Variants in GALNTL6 observed in about 807,000 individuals in gnomAD.
GALNTL6 encodes the protein polypeptide N-acetylgalactosaminyltransferase-like 6.
Under a neutral mutation model 73.7 loss-of-function variants are expected in GALNTL6, and 46 were observed. That is an observed-to-expected ratio of 0.62 (90% CI 0.49 to 0.80). GALNTL6 has a LOEUF of 0.80. Ranked by LOEUF, GALNTL6 falls within the 30% of genes least tolerant of loss-of-function variation. The pLI, the probability that GALNTL6 is intolerant of heterozygous loss-of-function variation, is 0.00. For synonymous variants in GALNTL6, 259 were observed against 263.7 expected, an observed-to-expected ratio of 0.98 and a Z score of 0.17; for missense variants, 604 against 755.0, an observed-to-expected ratio of 0.80 and a Z score of 2.34.
intron 8 of GALNTL6, among the ~76,000 whole-genome samples, chr4:172,911,775 T>A (rs1323464795): frequency 1.3e-5 from 2 of 152,262 alleles, no homozygotes; most frequent in Admixed American, 1.3e-4. Context: ...GTCTATTAGA[T>A]ATAAGCCTAG....
chr4:172,416,090 G>A (rs924365609), intron 5 of GALNTL6, among the ~76,000 whole-genome samples: 5 of 152,114 alleles, frequency 3.3e-5, no homozygotes, highest in African/African-American at 1.2e-4. Context: ...TGAAGGTCTC[G>A]AAATGTATGG....
intron 2 of GALNTL6, among the ~76,000 whole-genome samples, chr4:172,008,000 T>C (rs1260959086): frequency 6.6e-6 from 1 of 152,164 alleles, no homozygotes; most frequent in Non-Finnish European, 1.5e-5. Context: ...TAGACATTTT[T>C]AAATTGTCTT....
At chr4:171,946,723 G>A (rs1738712378) in intron 2 of GALNTL6, among the ~76,000 whole-genome samples, 1 of 152,130 alleles carries the variant, frequency 6.6e-6, no homozygotes, top group Non-Finnish European at 1.5e-5. Context: ...TGAGTAGAAT[G>A]GGACACTTGT....
intron 5 of GALNTL6, among the ~76,000 whole-genome samples, chr4:172,572,679 A>G (rs1736808024): frequency 6.6e-6 from 1 of 152,126 alleles, no homozygotes; most frequent in Admixed American, 6.5e-5. Context: ...CAAATGACCT[A>G]TTACTTTCTG....
intron 2 of GALNTL6, among the ~76,000 whole-genome samples, chr4:171,934,707 C>G (rs975062661): frequency 1.2e-4 from 19 of 152,260 alleles, no homozygotes; most frequent in African/African-American, 4.6e-4. Flanking sequence ...TGAGCCACTG[C>G]ACCCAGCCAA....
rs1450831618 is a variant in GALNTL6, at chr4:172,497,051, G to T, written c.553+148362G>T. Among the ~76,000 whole-genome samples, 7 of 152,094 alleles carry T rather than the reference G, an allele frequency of 4.6e-5. No homozygotes were observed. The East Asian group carries it at 1.3e-3, about 29-fold the overall frequency. On this transcript the variant is annotated intron_variant, in intron 5 of 12. Transcript: ENST00000506823. Reference sequence around the variant, plus strand: ...TAATAGCTAAGCTAAAAAATAAAGTGCCTTTCAATCAGTCTAAAATTCTCT... The same window carrying T: ...TAATAGCTAAGCTAAAAAATAAAGTTCCTTTCAATCAGTCTAAAATTCTCT...
intron 2 of GALNTL6, among the ~76,000 whole-genome samples, chr4:171,967,683 T>G (rs1419277415): frequency 6.6e-6 from 1 of 152,178 alleles, no homozygotes; most frequent in African/African-American, 2.4e-5. Flanking sequence ...CAAAGGAATG[T>G]GAACAATTTC....
At chr4:172,684,786 A>G (rs983354600) in intron 5 of GALNTL6, among the ~76,000 whole-genome samples, 9 of 152,242 alleles carry the variant, frequency 5.9e-5, no homozygotes, top group Admixed American at 5.2e-4. Context: ...CCACAAGCAT[A>G]TATTTCTTTT....
chr4:171,979,552 G>A (rs1267716195), intron 2 of GALNTL6, among the ~76,000 whole-genome samples: 5 of 152,184 alleles, frequency 3.3e-5, no homozygotes, highest in Non-Finnish European at 4.4e-5. Context: ...AACAGAACTA[G>A]AAGTAATTCC....
At chr4:172,406,206 T>C (rs1744232891) in intron 5 of GALNTL6, among the ~76,000 whole-genome samples, 1 of 151,992 alleles carries the variant, frequency 6.6e-6, no homozygotes, top group African/African-American at 2.4e-5. Context: ...TGTTTATTTA[T>C]TTTGAGAGGG....
At chr4:172,402,427 T>C (rs558577108) in intron 5 of GALNTL6, among the ~76,000 whole-genome samples, 2 of 152,182 alleles carry the variant, frequency 1.3e-5, no homozygotes, top group South Asian at 4.1e-4. Context: ...AGTAACAAAA[T>C]TTCTACTATT....
chr4:171,987,487 A>T (rs1003696145), intron 2 of GALNTL6, among the ~76,000 whole-genome samples: 25 of 152,266 alleles, frequency 1.6e-4, no homozygotes, highest in African/African-American at 6.0e-4. Flanking sequence ...GAAAGTGTCT[A>T]CCCAGACTAA....
intron 5 of GALNTL6, among the ~76,000 whole-genome samples, chr4:172,702,529 CTT>C (rs1734085000): frequency 6.7e-6 from 1 of 150,036 alleles, no homozygotes; most frequent in Non-Finnish European, 1.5e-5. Flanking sequence ...TATATTGAAA[CTT>C]AATATCCAAT....
At chr4:173,002,393 A>C (rs1170339719) in intron 10 of GALNTL6, among the ~76,000 whole-genome samples, 1 of 151,996 alleles carries the variant, frequency 6.6e-6, no homozygotes, top group Non-Finnish European at 1.5e-5. Context: ...CATCTCAAGA[A>C]AAAGTAAATA....
intron 6 of GALNTL6, among the ~76,000 whole-genome samples, chr4:172,813,098 C>A (rs949443577): frequency 3.9e-5 from 6 of 152,118 alleles, no homozygotes; most frequent in African/African-American, 1.4e-4. Flanking sequence ...AAATTAGATG[C>A]TACAAAAACC....
chr4:172,952,240 G>T lies in GALNTL6; in HGVS notation c.1353G>T (p.Pro451=), dbSNP rs778756030. The T allele has an allele frequency of 6.2e-7, 1 of 1,613,732 alleles. No individual in the cohort carries two copies. The highest frequency in any genetic ancestry group is 2.2e-5 in the East Asian group (1 of 44,866). ...AATACTACCCTCCAGTGGAGCCCCC[G>T]CCTGCTGCCTGGGGGGAGGTGAGGA... ...VPKYYPPVEP[P]PAAWGEIRNV... The change falls in exon 10 of 13, where the codon CCG becomes CCT. Residue 451 remains proline, a synonymous_variant. Coordinates refer to ENST00000506823, the MANE Select transcript of GALNTL6 (RefSeq NM_001034845.3).
At chr4:172,558,705 G>T (rs1465906725) in intron 5 of GALNTL6, among the ~76,000 whole-genome samples, 1 of 152,030 alleles carries the variant, frequency 6.6e-6, no homozygotes, top group African/African-American at 2.4e-5. Flanking sequence ...GGGAGTATAT[G>T]CTTGTCAAAA....
At chr4:172,481,228 G>A (rs997757635) in intron 5 of GALNTL6, among the ~76,000 whole-genome samples, 17 of 151,818 alleles carry the variant, frequency 1.1e-4, no homozygotes, top group Non-Finnish European at 1.9e-4. Context: ...GTCGGGAGTT[G>A]TTCCTTCCTC....
chr4:172,611,215 T>G (rs919797817), intron 5 of GALNTL6, among the ~76,000 whole-genome samples: 1 of 152,076 alleles, frequency 6.6e-6, no homozygotes, highest in African/African-American at 2.4e-5. Flanking sequence ...GATTTGATCT[T>G]GTCATTATGA....
Sources: gnomAD v4.1 joint callset for allele counts (sites outside exome capture counted in the v4.1 genomes callset) on GRCh38, gnomAD v4.1.1 for gene constraint, MANE v1.5 for transcripts, NCBI Gene and HGNC (gene_info 2026-07-23, HGNC 2026-07-21) for gene names.